The following GLI3 variants were observed in gnomAD, a reference collection of about 807,000 sequenced individuals.
GLI3 encodes the protein transcription activator GLI3.
A neutral mutation model predicts 100.8 loss-of-function variants in GLI3; 20 were observed. The ratio of observed to expected loss-of-function variants is 0.20; its 90% CI spans 0.14 to 0.29. GLI3 has a LOEUF of 0.29. GLI3 is among the 10% of genes least tolerant of loss of function. GLI3 has a pLI of 1.00. For synonymous variants in GLI3, 938 were observed against 860.5 expected (o/e 1.09, Z -1.58); for missense variants, 2,040 against 2,128.5 (o/e 0.96, Z 0.82).
intron 2 of GLI3, among the ~76,000 whole-genome samples, chr7:42,193,283 G>A (rs1284462868): frequency 2.0e-5 from 3 of 152,008 alleles, no homozygotes; most frequent in African/African-American, 7.2e-5. Flanking sequence ...TTAAGGAGCT[G>A]TTCTTATAAA....
At chr7:42,239,955 C>T (rs908101362), upstream of GLI3, among the ~76,000 whole-genome samples, 6 of 152,126 alleles carry the variant, frequency 3.9e-5, no homozygotes, top group East Asian at 1.9e-4. Flanking sequence ...TTAAATCTTA[C>T]GTAGAATCCC....
chr7:42,179,526 T>C (rs1026862129), intron 2 of GLI3, among the ~76,000 whole-genome samples: 3 of 152,124 alleles, frequency 2.0e-5, no homozygotes, highest in Non-Finnish European at 2.9e-5. Context: ...CAACAGACTC[T>C]AGTAAAGCAA....
chr7:42,217,710 T>C (rs1788405795), intron 2 of GLI3, among the ~76,000 whole-genome samples: 1 of 152,240 alleles, frequency 6.6e-6, no homozygotes, highest in African/African-American at 2.4e-5. Context: ...CTTAGTCACA[T>C]TTGGGATTTG....
At chr7:42,027,894 C>T (rs1242398448) in intron 7 of GLI3, among the ~76,000 whole-genome samples, 3 of 152,194 alleles carry the variant, frequency 2.0e-5, no homozygotes, top group Non-Finnish European at 2.9e-5. Flanking sequence ...GTTATAGTTA[C>T]TGCCAGTGTT....
chr7:42,159,144 A>C (rs907337945), intron 2 of GLI3, among the ~76,000 whole-genome samples: 2 of 152,106 alleles, frequency 1.3e-5, no homozygotes, highest in East Asian at 3.9e-4. Flanking sequence ...ACAAACAAAC[A>C]AAAAAAACAC....
At chr7:41,990,259 T>C (rs1229738320) in intron 10 of GLI3, among the ~76,000 whole-genome samples, 2 of 152,152 alleles carry the variant, frequency 1.3e-5, no homozygotes, top group Admixed American at 6.5e-5. Flanking sequence ...GGAGCACCAG[T>C]ATCTAGAAGT....
At chr7:42,152,896 G>GA (rs1389059928) in intron 2 of GLI3, among the ~76,000 whole-genome samples, 1 of 152,126 alleles carries the variant, frequency 6.6e-6, no homozygotes, top group African/African-American at 2.4e-5. Flanking sequence ...TTCTTTGCCA[G>GA]AATTTGCGAG....
chr7:41,992,385 T>C (rs1394070953), intron 10 of GLI3, among the ~76,000 whole-genome samples: 1 of 152,058 alleles, frequency 6.6e-6, no homozygotes, highest in Non-Finnish European at 1.5e-5. Context: ...GTGGAACATA[T>C]CATAGTGGAG....
intron 10 of GLI3, among the ~76,000 whole-genome samples, chr7:41,985,807 A>C (rs114211033): frequency 0.013 from 1,918 of 152,344 alleles, 38 homozygotes; most frequent in African/African-American, 0.045. Context: ...CTAGGCAGAC[A>C]TAGAAAAAAA....
rs34005460 is a variant in GLI3 at position 41,987,101 on chromosome 7, G to GACACACACACACACACAC, written c.1498-8371_1498-8354dup. On this transcript the variant is annotated intron_variant, in intron 10 of 14. Coordinates refer to ENST00000395925, the MANE Select transcript of GLI3 (RefSeq NM_000168.6). Reference sequence around the variant, plus strand: ...TACAACATACACAGACACAGACACAGACACACACACACACACACACACACA... The same window carrying GACACACACACACACACAC: ...TACAACATACACAGACACAGACACAGACACACACACACACACACACACACACACACACACACACACACA... Among the ~76,000 whole-genome samples the GACACACACACACACACAC allele has an allele frequency of 1.0e-3, 144 of 140,712 alleles. 1 individual carries two copies. Among genetic ancestry groups the GACACACACACACACACAC allele is most frequent in the Middle Eastern group, 7.1e-3 (2 of 280 alleles). The allele number at this position is 140,712 out of a possible 152,430, so 92.3% of individuals were successfully genotyped here. A position where few individuals can be genotyped will look rare whatever the true frequency, so the allele number is the denominator to read the frequency against.
chr7:42,128,651 A>C (rs1312781972), intron 3 of GLI3, among the ~76,000 whole-genome samples: 2 of 152,256 alleles, frequency 1.3e-5, no homozygotes, highest in African/African-American at 4.8e-5. Context: ...ATTCAGCAGC[A>C]TCAGAAGAGA....
chr7:42,147,584 G>A (rs3801202), intron 3 of GLI3, among the ~76,000 whole-genome samples: 21,269 of 152,162 alleles, frequency 0.14, 1,797 homozygotes, highest in Non-Finnish European at 0.19. Context: ...ATATTCTGCC[G>A]TTGGAGAAAA....
At chr7:42,129,639 T>C (rs1786222910) in intron 3 of GLI3, among the ~76,000 whole-genome samples, 1 of 151,940 alleles carries the variant, frequency 6.6e-6, no homozygotes, top group African/African-American at 2.4e-5. Flanking sequence ...TGAAACCCCG[T>C]CTCTACCAAA....
At chr7:42,089,035 A>G (rs1285238756) in intron 3 of GLI3, among the ~76,000 whole-genome samples, 1 of 152,144 alleles carries the variant, frequency 6.6e-6, no homozygotes. Flanking sequence ...TGGCTTCTAG[A>G]CCAGTCTTCA....
chr7:42,023,405 G>T (rs1023347354), intron 10 of GLI3, 63 bp downstream of exon 10: 2 of 1,558,336 alleles, frequency 1.3e-6, no homozygotes, highest in Admixed American at 1.7e-5. Flanking sequence ...GGTCAGAGAG[G>T]CTGACCTCCC....
At chr7:42,009,893 C>A (rs1192696819) in intron 10 of GLI3, among the ~76,000 whole-genome samples, 1 of 152,170 alleles carries the variant, frequency 6.6e-6, no homozygotes, top group Non-Finnish European at 1.5e-5. Context: ...TCTCTGTGGC[C>A]ATCAGGACCC....
chr7:42,116,757 C>A (rs1367585318), intron 3 of GLI3, among the ~76,000 whole-genome samples: 1 of 151,880 alleles, frequency 6.6e-6, no homozygotes, highest in East Asian at 1.9e-4. Flanking sequence ...TATCAAAACA[C>A]TAATAGGATC....
At chr7:41,981,677 G>A (rs550528553) in intron 10 of GLI3, among the ~76,000 whole-genome samples, 4 of 152,210 alleles carry the variant, frequency 2.6e-5, no homozygotes, top group East Asian at 1.9e-4. Flanking sequence ...CCTGTGCCTC[G>A]CTGCTGACAG....
Position 42,025,283 on chromosome 7 carries a change from G to A in GLI3, c.1337C>T (p.Pro446Leu), listed in dbSNP as rs1424032185. 6.2e-7 allele frequency: 1 copy of A among 1,613,496 alleles called. No homozygotes were observed. Among genetic ancestry groups the A allele is most frequent in the East Asian group, 2.2e-5 (1 of 44,872 alleles). Residue 446 changes from proline to leucine, a missense_variant, in exon 9 of 15, where the codon CCA becomes CTA. Pro to Leu is a moderately conservative substitution (Grantham distance 98, BLOSUM62 -3). Transcript: ENST00000395925. ...KIKPDEDLPS[P>L]GARGQQEQPE... is the part of the protein sequence containing the mutation. ...TCCTACCTGCTGCCCCCGAGCCCCT[G>A]GGCTGGGGAGGTCTTCATCGGGTTT...
Sources: allele counts gnomAD v4.1 joint callset (sites outside exome capture counted in the v4.1 genomes callset), GRCh38; gene constraint gnomAD v4.1.1; transcripts MANE v1.5; gene names NCBI Gene and HGNC (gene_info 2026-07-23, HGNC 2026-07-21).